The following SMCO4 variants were observed in gnomAD, a reference collection of about 807,000 sequenced individuals.
The protein encoded by SMCO4 is single-pass membrane protein with coiled-coil domains 4.
A neutral mutation model predicts 3.6 loss-of-function variants in SMCO4; 4 were observed. The ratio of observed to expected loss-of-function variants is 1.11; its 90% confidence interval spans 0.54 to 2.53. The LOEUF (loss-of-function observed/expected upper bound fraction) is 2.53, where lower values mean the gene tolerates loss of function less well. Among genes scored for constraint, SMCO4 ranks in the 30% most tolerant of loss-of-function variants. SMCO4 has a pLI of 0.02. For synonymous variants in SMCO4, 36 were observed against 35.3 expected, an observed-to-expected ratio of 1.02 and a Z score of -0.07; for missense variants, 70 against 80.8, an observed-to-expected ratio of 0.87 and a Z score of 0.51.
chr11:93,478,889 G>C lies in SMCO4; in HGVS notation c.*121C>G. 2 of 1,439,560 alleles carry C rather than the reference G, an allele frequency of 1.4e-6. No homozygotes were observed. Among genetic ancestry groups the C allele is most frequent in the East Asian group, 5.0e-5 (2 of 39,960 alleles). The allele number at this position is 1,439,560 out of a possible 1,614,324, so 89.2% of individuals were successfully genotyped here. On this transcript the variant is annotated 3_prime_UTR_variant, in exon 3 of 3. Coordinates refer to ENST00000298966, the MANE Select transcript of SMCO4 (RefSeq NM_020179.3). ...ATCAAGTCAAAGACCAGAGAAGACA[G>C]GGTGCTCCTGCTTACAGCTCAGCAA...
chr11:93,500,644 T>C (rs935676866), intron 1 of SMCO4, among the ~76,000 whole-genome samples: 2 of 152,136 alleles, frequency 1.3e-5, no homozygotes, highest in African/African-American at 4.8e-5. Flanking sequence ...TAAAGGAGTT[T>C]GGACTTTATC....
the SMCO4 span, among the ~76,000 whole-genome samples, chr11:93,552,274 G>A: frequency 6.7e-6 from 1 of 148,684 alleles, no homozygotes; most frequent in African/African-American, 2.5e-5. Context: ...CAAGTAATTG[G>A]GATTACAGGC....
chr11:93,553,432 G>T, the SMCO4 span, among the ~76,000 whole-genome samples: 1 of 152,122 alleles, frequency 6.6e-6, no homozygotes, highest in East Asian at 1.9e-4. Flanking sequence ...TTATATCTTT[G>T]TTTGTACTAA....
chr11:93,483,097 G>T (rs970953229), intron 2 of SMCO4, among the ~76,000 whole-genome samples: 3 of 152,132 alleles, frequency 2.0e-5, no homozygotes, highest in Non-Finnish European at 4.4e-5. Context: ...ATGGCACTGG[G>T]GGCGAGGGGT....
intron 1 of SMCO4, among the ~76,000 whole-genome samples, chr11:93,500,384 T>C (rs1024115696): frequency 1.3e-5 from 2 of 152,220 alleles, no homozygotes; most frequent in African/African-American, 4.8e-5. Flanking sequence ...TGTTGTTTTT[T>C]TATTCCCAAA....
chr11:93,482,409 G>C (rs1400343923), intron 2 of SMCO4, among the ~76,000 whole-genome samples: 1 of 152,212 alleles, frequency 6.6e-6, no homozygotes, highest in Non-Finnish European at 1.5e-5. Flanking sequence ...TATCAAGGAG[G>C]CAATTGGATA....
chr11:93,516,120 C>A (rs890675401), intron 1 of SMCO4, among the ~76,000 whole-genome samples: 2 of 152,074 alleles, frequency 1.3e-5, no homozygotes, highest in Non-Finnish European at 2.9e-5. Flanking sequence ...TAAATTATCC[C>A]TTTTACTAAA....
intron 1 of SMCO4, among the ~76,000 whole-genome samples, chr11:93,502,836 AT>A (rs1288715289): frequency 2.0e-5 from 3 of 152,262 alleles, no homozygotes; most frequent in African/African-American, 7.2e-5. Flanking sequence ...TAAAAATGAC[AT>A]CTAACAAAGA....
chr11:93,507,893 TAA>T (rs1332687452), intron 1 of SMCO4, among the ~76,000 whole-genome samples: 5 of 152,234 alleles, frequency 3.3e-5, no homozygotes, highest in African/African-American at 1.2e-4. Context: ...TGTCTTCCAT[TAA>T]GAGAGACATT....
chr11:93,543,225 C>G (rs1949287386), intron 1 of SMCO4, 51 bp downstream of exon 1: 1 of 146,412 alleles, frequency 6.8e-6, no homozygotes, highest in South Asian at 1.9e-4. Flanking sequence ...CGCGCCCGCC[C>G]GCCGGCTCGC....
Position 93,478,960 on chromosome 11 carries a change from C to T in SMCO4, c.*50G>A. Reference sequence around the variant, plus strand: ...AAAGCCATTTTTTGTTTGCGTCCCCCTCCCGCGCCTCCTCTCCCTGCCGAT... The same window carrying T: ...AAAGCCATTTTTTGTTTGCGTCCCCTTCCCGCGCCTCCTCTCCCTGCCGAT... On this transcript the variant is annotated 3_prime_UTR_variant, in exon 3 of 3. Transcript: ENST00000298966. 1 of 1,560,354 alleles carries T rather than the reference C, an allele frequency of 6.4e-7. No homozygotes were observed. The highest frequency in any genetic ancestry group is 8.7e-7 in the Non-Finnish European group (1 of 1,153,828).
intron 1 of SMCO4, among the ~76,000 whole-genome samples, chr11:93,519,512 A>C (rs550699051): frequency 6.6e-6 from 1 of 152,342 alleles, no homozygotes; most frequent in African/African-American, 2.4e-5. Context: ...GATAAACCTA[A>C]AACATCAATG....
chr11:93,503,623 T>C (rs1487498390), intron 1 of SMCO4, among the ~76,000 whole-genome samples: 3 of 152,126 alleles, frequency 2.0e-5, no homozygotes, highest in Admixed American at 6.6e-5. Flanking sequence ...ATAAGAAAGG[T>C]AGATTACACA....
intron 2 of SMCO4, among the ~76,000 whole-genome samples, chr11:93,480,936 G>C (rs1948585266): frequency 6.6e-6 from 1 of 152,108 alleles, no homozygotes; most frequent in Non-Finnish European, 1.5e-5. Context: ...TATTGTGCTA[G>C]GATGGCATAA....
chr11:93,495,946 G>A (rs1371291795), intron 2 of SMCO4, among the ~76,000 whole-genome samples: 1 of 152,134 alleles, frequency 6.6e-6, no homozygotes, highest in Admixed American at 6.5e-5. Flanking sequence ...AAGAGTGAAG[G>A]GGAGAATGTC....
intron 2 of SMCO4, among the ~76,000 whole-genome samples, chr11:93,495,690 T>G (rs35901746): frequency 0.13 from 19,539 of 152,134 alleles, 1,441 homozygotes; most frequent in Non-Finnish European, 0.17. Context: ...GGGAGGTTGC[T>G]TGGGGAGTAG....
intron 1 of SMCO4, among the ~76,000 whole-genome samples, chr11:93,503,164 C>A (rs1948860942): frequency 6.6e-6 from 1 of 152,100 alleles, no homozygotes; most frequent in Non-Finnish European, 1.5e-5. Flanking sequence ...AAAGACATAC[C>A]TGAGACTGGG....
chr11:93,513,356 T>C (rs1287848445), intron 1 of SMCO4, among the ~76,000 whole-genome samples: 5 of 152,282 alleles, frequency 3.3e-5, no homozygotes, highest in Non-Finnish European at 7.3e-5. Context: ...AACTCAAACT[T>C]AAACTACATG....
At chr11:93,534,375 T>TATATATATAGAGAGAGAG (rs369643237) in intron 1 of SMCO4, among the ~76,000 whole-genome samples, 4 of 142,132 alleles carry the variant, frequency 2.8e-5, no homozygotes, top group African/African-American at 1.1e-4. Context: ...TATATATATA[T>TATATATATAGAGAGAGAG]AGAGAGAGAG....
Sources: allele counts gnomAD v4.1 joint callset (sites outside exome capture counted in the v4.1 genomes callset), GRCh38; gene constraint gnomAD v4.1.1; transcripts MANE v1.5; gene names NCBI Gene and HGNC (gene_info 2026-07-23, HGNC 2026-07-21).